The following FRMD7 variants were observed in gnomAD, a reference collection of about 807,000 sequenced individuals.
FRMD7 encodes FERM domain containing 7.
A neutral mutation model predicts 44.1 loss-of-function variants in FRMD7; 14 were observed. That is an observed-to-expected ratio of 0.32 (90% CI 0.21 to 0.50). The LOEUF is 0.50. Ranked by LOEUF, FRMD7 falls within the 20% of genes least tolerant of loss-of-function variation. FRMD7 has a pLI of 0.99. For synonymous variants in FRMD7, 212 were observed against 187.4 expected (o/e 1.13, Z -1.07); for missense variants, 501 against 522.3 (o/e 0.96, Z 0.40).
intron 1 of FRMD7, among the ~76,000 whole-genome samples, chrX:132,114,512 A>G (rs1928854625): frequency 8.9e-6 from 1 of 111,971 alleles, no homozygotes; most frequent in Admixed American, 9.4e-5. Context: ...TGTTTACCGA[A>G]TTTTCTCATC....
At chrX:132,099,589 T>A in intron 2 of FRMD7, 79 bp from the exon 3 acceptor site, 1 of 687,004 alleles carries the variant, frequency 1.5e-6, no homozygotes, top group Non-Finnish European at 2.3e-6. Context: ...AGATAAAGAT[T>A]AACATGAAAT....
At chrX:132,086,639 T>C (rs1177257664) in intron 5 of FRMD7, among the ~76,000 whole-genome samples, 1 of 104,046 alleles carries the variant, frequency 9.6e-6, no homozygotes, top group African/African-American at 3.7e-5. Context: ...AGCCATCTGC[T>C]AGCCAAGGAG....
chrX:132,100,505 A>C, intron 2 of FRMD7, 107 bp downstream of exon 2: 2 of 577,801 alleles, frequency 3.5e-6, no homozygotes, highest in Non-Finnish European at 6.1e-6. Context: ...AAGGGTGCAC[A>C]TAGTTTTTCA....
chrX:132,105,270 A>G (rs1928616167), intron 1 of FRMD7, among the ~76,000 whole-genome samples: 2 of 112,068 alleles, frequency 1.8e-5, no homozygotes, highest in Non-Finnish European at 3.8e-5. Context: ...TAAAATGTAT[A>G]CATTTTATGT....
intron 1 of FRMD7, among the ~76,000 whole-genome samples, chrX:132,115,246 T>C (rs1198617263): frequency 8.9e-6 from 1 of 112,079 alleles, no homozygotes; most frequent in African/African-American, 3.2e-5. Context: ...TTCTTCTCAG[T>C]CTGGATTAGT....
chrX:132,092,858 C>T (rs1273096714), intron 5 of FRMD7, among the ~76,000 whole-genome samples: 1 of 111,690 alleles, frequency 9.0e-6, no homozygotes, highest in African/African-American at 3.3e-5. Context: ...GCATTCAAGA[C>T]CCTTCAAAAT....
chrX:132,078,212 GGAAAAC>G lies in FRMD7; in HGVS notation c.1799_1804del (p.Arg600_Phe601del), dbSNP rs748187461. On this transcript the variant is annotated inframe_deletion, in exon 12 of 12. Coordinates refer to ENST00000298542, the MANE Select transcript of FRMD7 (RefSeq NM_194277.3). ...TAAAGGTCTAAATTCTGACCCAAAA[GGAAAAC>G]GAATAGTTTTCATGTCTGATTGGCT... The G allele has an allele frequency of 2.5e-6, 3 of 1,211,549 alleles. No homozygotes were observed. The Admixed American group carries it at 6.5e-5, about 26-fold the overall frequency.
In FRMD7 at chrX:132,126,056, A is replaced by G. The variant is rs189944537; in HGVS notation, c.57+1732T>C. ...AAGTGCTATCCACAGATGACTCACT[A>G]CTGCTATCATCATCATCACCACCAT... On this transcript the variant is annotated intron_variant, in intron 1 of 11. Transcript: ENST00000298542. Among the ~76,000 whole-genome samples the G allele has an allele frequency of 6.5e-5, 7 of 107,715 alleles. No individual in the cohort carries two copies. In the Admixed American group the frequency reaches 6.9e-4, roughly 11 times the overall value. The allele number at this position is 107,715 out of a possible 115,157, so 93.5% of individuals were successfully genotyped here. A position where few individuals can be genotyped will look rare whatever the true frequency, so the allele number is the denominator to read the frequency against.
chrX:132,093,791 G>A (rs747046728), intron 5 of FRMD7, among the ~76,000 whole-genome samples: 42 of 112,579 alleles, frequency 3.7e-4, no homozygotes, highest in African/African-American at 1.4e-3. Context: ...GGCGGTAGGA[G>A]GGGAAGGCTG....
At chrX:132,095,600 A>G (rs893687829) in intron 4 of FRMD7, among the ~76,000 whole-genome samples, 2 of 112,381 alleles carry the variant, frequency 1.8e-5, no homozygotes, top group African/African-American at 6.5e-5. Context: ...TATTCAGTTT[A>G]CAAAAGCATT....
intron 1 of FRMD7, among the ~76,000 whole-genome samples, chrX:132,127,547 T>C (rs750583337): frequency 8.9e-6 from 1 of 112,497 alleles, no homozygotes; most frequent in Admixed American, 9.4e-5. Context: ...AGTTATCCTG[T>C]CTTTAAAATT....
At position 132,080,180 on chromosome X, in the gene FRMD7, A is replaced by G; in HGVS notation, c.974+18T>C. 1 of 1,181,715 alleles carries G rather than the reference A, an allele frequency of 8.5e-7. No individual in the cohort carries two copies. Among genetic ancestry groups the G allele is most frequent in the Non-Finnish European group, 1.2e-6 (1 of 868,129 alleles). ...TCAACATAAAATCAACACGAGCAAG[A>G]GAAACAAAATCATGTACCTTTCAAA... On this transcript the variant is annotated intron_variant, in intron 10 of 11. Coordinates refer to ENST00000298542, the MANE Select transcript of FRMD7 (RefSeq NM_194277.3).
intron 1 of FRMD7, among the ~76,000 whole-genome samples, chrX:132,115,007 C>G (rs1302582230): frequency 8.9e-6 from 1 of 112,520 alleles, no homozygotes; most frequent in South Asian, 3.6e-4. Context: ...TCTCCTTGAC[C>G]GATCACCACA....
chrX:132,106,998 C>T (rs1174715011), intron 1 of FRMD7, among the ~76,000 whole-genome samples: 1 of 110,982 alleles, frequency 9.0e-6, no homozygotes, highest in Non-Finnish European at 1.9e-5. Flanking sequence ...TGTAACAAAC[C>T]TTCACATGTA....
intron 1 of FRMD7, among the ~76,000 whole-genome samples, chrX:132,122,072 C>T (rs1364429857): frequency 8.9e-6 from 1 of 112,037 alleles, no homozygotes. Flanking sequence ...CAAGCATCAT[C>T]AAAAGAAAGT....
intron 8 of FRMD7, among the ~76,000 whole-genome samples, 160 bp from the exon 9 acceptor site, chrX:132,082,686 C>CA (rs1268280416): frequency 8.9e-6 from 1 of 112,115 alleles, no homozygotes; most frequent in East Asian, 2.8e-4. Context: ...TAATGATTGG[C>CA]AACCTTGCGA....
At chrX:132,124,308 C>T (rs976806586) in intron 1 of FRMD7, among the ~76,000 whole-genome samples, 4 of 112,036 alleles carry the variant, frequency 3.6e-5, no homozygotes, top group Non-Finnish European at 7.5e-5. Context: ...CCACTCCCAT[C>T]ATCATTCTAG....
chrX:132,111,447 G>T (rs1928776312), intron 1 of FRMD7, among the ~76,000 whole-genome samples: 1 of 111,273 alleles, frequency 9.0e-6, no homozygotes. Context: ...CAACCATCTG[G>T]TATTTTTCTT....
In FRMD7 at chrX:132,077,777, T is replaced by C; in HGVS notation, c.*95A>G. The C allele has an allele frequency of 4.3e-6, 5 of 1,155,674 alleles. No homozygotes were observed. The highest frequency in any genetic ancestry group is 5.9e-6 in the Non-Finnish European group (5 of 853,706). On this transcript the variant is annotated 3_prime_UTR_variant, in exon 12 of 12. Transcript: ENST00000298542. ...GAGATTTCCTTAATACCAATGAATA[T>C]GTAGTAACCAAGAAAATGGTTTCTA...
Sources: gnomAD v4.1 joint callset for allele counts (sites outside exome capture counted in the v4.1 genomes callset) on GRCh38, gnomAD v4.1.1 for gene constraint, MANE v1.5 for transcripts, NCBI Gene and HGNC (gene_info 2026-07-23, HGNC 2026-07-21) for gene names.